PDE1C: variants seen among roughly 807,000 people sequenced by gnomAD.
PDE1C encodes phosphodiesterase 1C, also known as dual specificity calcium/calmodulin-dependent 3',5'-cyclic nucleotide phosphodiesterase 1C.
A neutral mutation model predicts 93.1 loss-of-function variants in PDE1C; 62 were observed. That is an observed-to-expected ratio of 0.67 (90% CI 0.54 to 0.82). The LOEUF is 0.82. Among genes scored for constraint, PDE1C ranks in the 40% least tolerant of loss-of-function variants. The pLI is 0.00. For synonymous variants in PDE1C, 325 were observed against 310.1 expected, an observed-to-expected ratio of 1.05 and a Z score of -0.50; for missense variants, 742 against 884.6, an observed-to-expected ratio of 0.84 and a Z score of 2.04.
the PDE1C span, among the ~76,000 whole-genome samples, chr7:31,679,402 G>A: frequency 6.6e-5 from 10 of 152,132 alleles, no homozygotes; most frequent in African/African-American, 1.9e-4. Flanking sequence ...ATTTGCTTTC[G>A]CATATTCCTA....
chr7:32,106,489 A>G (rs1798319378), intron 3 of PDE1C, among the ~76,000 whole-genome samples: 1 of 152,186 alleles, frequency 6.6e-6, no homozygotes, highest in African/African-American at 2.4e-5. Flanking sequence ...ACTGAGAGGA[A>G]AGAGATTTTT....
chr7:32,115,791 G>A (rs1798954923), intron 3 of PDE1C, among the ~76,000 whole-genome samples: 1 of 151,980 alleles, frequency 6.6e-6, no homozygotes, highest in South Asian at 2.1e-4. Context: ...TCTCTTCTTT[G>A]TCCCCAGCTC....
intron 2 of PDE1C, among the ~76,000 whole-genome samples, chr7:31,985,705 A>C (rs1157821975): frequency 6.6e-6 from 1 of 152,028 alleles, no homozygotes; most frequent in Admixed American, 6.6e-5. Context: ...GTTTGCCGAG[A>C]ATGATGGTTT....
At chr7:31,759,502 G>A (rs1794694385) in intron 17 of PDE1C, among the ~76,000 whole-genome samples, 1 of 152,114 alleles carries the variant, frequency 6.6e-6, no homozygotes, top group Non-Finnish European at 1.5e-5. Flanking sequence ...TCTTCCCCTT[G>A]GGGATACTTT....
At chr7:31,671,327 C>T in the PDE1C span, among the ~76,000 whole-genome samples, 1 of 152,210 alleles carries the variant, frequency 6.6e-6, no homozygotes, top group African/African-American at 2.4e-5. Flanking sequence ...AGTGCTCACC[C>T]TGGCTCCTGC....
chr7:31,681,537 G>A, the PDE1C span, among the ~76,000 whole-genome samples: 2 of 152,074 alleles, frequency 1.3e-5, no homozygotes, highest in African/African-American at 2.4e-5. Flanking sequence ...CTTGCTCTGG[G>A]CTGTCAGAAC....
chr7:32,073,849 G>T (rs998155329), upstream of PDE1C, among the ~76,000 whole-genome samples: 14 of 152,122 alleles, frequency 9.2e-5, no homozygotes, highest in East Asian at 1.9e-3. Flanking sequence ...AATAGACCTG[G>T]AAACAAAAGG....
At chr7:32,302,267 A>T (rs1255241986), upstream of PDE1C, among the ~76,000 whole-genome samples, 3 of 152,236 alleles carry the variant, frequency 2.0e-5, no homozygotes, top group African/African-American at 7.2e-5. Flanking sequence ...TATCTTTTTT[A>T]ACTACTGGAA....
intron 1 of PDE1C, among the ~76,000 whole-genome samples, chr7:32,318,082 A>T (rs982579348): frequency 1.3e-5 from 2 of 152,202 alleles, no homozygotes; most frequent in Non-Finnish European, 2.9e-5. Context: ...ATGCGTAACA[A>T]CACTTCATAA....
chr7:32,025,605 G>A (rs1301171250), intron 2 of PDE1C, among the ~76,000 whole-genome samples: 1 of 152,128 alleles, frequency 6.6e-6, no homozygotes, highest in Non-Finnish European at 1.5e-5. Flanking sequence ...CTCTGAGCAA[G>A]CAAGTCCTAC....
chr7:31,730,587 C>T, the PDE1C span, among the ~76,000 whole-genome samples: 1 of 152,222 alleles, frequency 6.6e-6, no homozygotes, highest in Non-Finnish European at 1.5e-5. Context: ...TAAACATTTA[C>T]TAAATGCCTT....
rs576207149 is a variant in PDE1C, at chr7:32,169,976, G to C, written c.137-20C>G. On this transcript the variant is annotated intron_variant, in intron 2 of 18. Coordinates refer to the PDE1C transcript ENST00000396193. ...TAGACCCTGAGGCATGGGGAAAAGA[G>C]AGATGCAGGTGAATCATCCACCAGT... The C allele has an allele frequency of 3.1e-6, 5 of 1,604,206 alleles. No homozygotes were observed. In the South Asian group the frequency reaches 3.3e-5, roughly 11 times the overall value.
chr7:31,738,910 A>T, the PDE1C span, among the ~76,000 whole-genome samples: 1 of 152,110 alleles, frequency 6.6e-6, no homozygotes, highest in African/African-American at 2.4e-5. Context: ...AGCCTGTGCC[A>T]TGGAGACCTT....
intron 2 of PDE1C, among the ~76,000 whole-genome samples, chr7:31,912,695 T>C (rs1801400327): frequency 6.6e-6 from 1 of 151,810 alleles, no homozygotes; most frequent in African/African-American, 2.4e-5. Flanking sequence ...TCAAAAAATA[T>C]ATATATATAA....
At chr7:31,895,466 A>C (rs1031019217) in intron 2 of PDE1C, among the ~76,000 whole-genome samples, 1 of 152,216 alleles carries the variant, frequency 6.6e-6, no homozygotes, top group Admixed American at 6.5e-5. Flanking sequence ...GAGCAGAATA[A>C]AGAAATCTCA....
chr7:31,971,235 G>A (rs760998959), intron 2 of PDE1C, among the ~76,000 whole-genome samples: 1 of 152,152 alleles, frequency 6.6e-6, no homozygotes, highest in South Asian at 2.1e-4. Flanking sequence ...GTATTGCACT[G>A]AGCTCAACAC....
chr7:31,814,429 C>G (rs947838284), intron 15 of PDE1C, among the ~76,000 whole-genome samples: 1 of 151,892 alleles, frequency 6.6e-6, no homozygotes, highest in Non-Finnish European at 1.5e-5. Flanking sequence ...GGGTGGTCAC[C>G]AGGATTAACT....
intron 7 of PDE1C, among the ~76,000 whole-genome samples, chr7:31,855,608 C>G (rs1266414669): frequency 6.6e-6 from 1 of 151,168 alleles, no homozygotes. Flanking sequence ...TTTTGATATC[C>G]TTAGTCTTTC....
chr7:31,862,540 C>T (rs1794806023), intron 7 of PDE1C, among the ~76,000 whole-genome samples: 1 of 129,090 alleles, frequency 7.7e-6, no homozygotes, highest in African/African-American at 2.6e-5. Flanking sequence ...GTAGATTTGG[C>T]ATCTGGTGAG....
Sources: gnomAD v4.1 joint callset for allele counts (sites outside exome capture counted in the v4.1 genomes callset) on GRCh38, gnomAD v4.1.1 for gene constraint, MANE v1.5 for transcripts, NCBI Gene and HGNC (gene_info 2026-07-23, HGNC 2026-07-21) for gene names.